DNASE1L1: variants seen among roughly 807,000 people sequenced by gnomAD.
DNASE1L1 encodes the protein deoxyribonuclease-1-like 1.
In DNASE1L1, 8 loss-of-function variants were observed where a neutral mutation model predicts 18.6. That is an observed-to-expected ratio of 0.43 (90% CI 0.25 to 0.78). The LOEUF is 0.78. Among genes scored for constraint, DNASE1L1 ranks in the 30% least tolerant of loss-of-function variants. The probability of loss-of-function intolerance (pLI) is 0.23; values close to 1 mark genes in which losing one functional copy is unlikely to be tolerated. For synonymous variants in DNASE1L1, 114 were observed against 114.2 expected, an observed-to-expected ratio of 1.00 and a Z score of 0.01; for missense variants, 214 against 258.2, an observed-to-expected ratio of 0.83 and a Z score of 1.17.
At chrX:154,405,330 T>C (rs1051843552) in intron 2 of DNASE1L1, 104 bp downstream of exon 2, 251 of 1,107,223 alleles carry the variant, frequency 2.3e-4, no homozygotes, top group South Asian at 3.2e-4. Context: ...GTGCCACACC[T>C]CTTCTTCTCC....
intron 4 of DNASE1L1, 59 bp from the exon 5 acceptor site, chrX:154,403,681 T>C: frequency 9.7e-7 from 1 of 1,033,399 alleles, no homozygotes; most frequent in African/African-American, 1.8e-5. Context: ...GGCTTGCAAG[T>C]GCCAAACGGC....
At chrX:154,411,173 G>A (rs1413021841), upstream of DNASE1L1, among the ~76,000 whole-genome samples, 1 of 111,599 alleles carries the variant, frequency 9.0e-6, no homozygotes, top group Non-Finnish European at 1.9e-5. Flanking sequence ...GCTGGGCGGG[G>A]TGGCTCACGG....
chrX:154,403,373 T>C lies in DNASE1L1; in HGVS notation c.421A>G (p.Ser141Gly). The C allele has an allele frequency of 1.7e-6, 2 of 1,210,673 alleles. No homozygotes were observed. Among genetic ancestry groups the C allele is most frequent in the Non-Finnish European group, 2.2e-6 (2 of 894,863 alleles). Residue 141 changes from serine (S) to glycine (G), a missense_variant, in exon 6 of 8, where the codon AGC becomes GGC. Ser to Gly is a moderately conservative substitution (Grantham distance 56). Coordinates refer to ENST00000369807, the MANE Select transcript of DNASE1L1 (RefSeq NM_001303620.2). ...QFSLPSNVLP[S>G]LVLVPLHTTP... ...GTGTGCAGCGGGACCAACACCAGGC[T>C]GGGAAGGACTGCAAGGCCCAGGGAC...
chrX:154,407,521 G>C (rs2068180437), intron 1 of DNASE1L1, among the ~76,000 whole-genome samples: 1 of 105,937 alleles, frequency 9.4e-6, no homozygotes, highest in Admixed American at 1.0e-4. Context: ...TTACAGGTGT[G>C]AGCCACTGCG....
At chrX:154,409,438 G>C (rs371743633), upstream of DNASE1L1, 15 of 132,277 alleles carry the variant, frequency 1.1e-4, no homozygotes, top group East Asian at 3.1e-3. Context: ...CTCAAGCCTG[G>C]GGCAAGGAGG....
Position 154,401,739 on chromosome X carries a change from C to T in DNASE1L1, c.*968G>A, listed in dbSNP as rs2068041474. On this transcript the variant is annotated 3_prime_UTR_variant, in exon 8 of 8. Coordinates refer to ENST00000369807, the MANE Select transcript of DNASE1L1 (RefSeq NM_001303620.2). ...CAAAAGGCCTCTGGTTTTTTGTAAT[C>T]TCAGTTTACAGCCATTTCTTAGGTT... is the stretch of plus-strand genomic sequence containing the variant. The T allele has an allele frequency of 1.8e-5, 2 of 112,374 alleles. No individual in the cohort carries two copies. Among genetic ancestry groups the T allele is most frequent in the South Asian group, 3.6e-4 (1 of 2,758 alleles). 9.3% of individuals were successfully genotyped at this position (112,374 alleles called of 1,213,427 possible).
upstream of DNASE1L1, chrX:154,409,462 G>C (rs897208288): frequency 7.8e-6 from 1 of 127,779 alleles, no homozygotes; most frequent in African/African-American, 3.2e-5. Context: ...TGGTGCCTGA[G>C]TGAGACCCCG....
intron 7 of DNASE1L1, 40 bp from the exon 8 acceptor site, chrX:154,402,881 G>A (rs1557187189): frequency 1.0e-5 from 12 of 1,204,716 alleles, no homozygotes; most frequent in African/African-American, 1.7e-5. Flanking sequence ...GCCCGGGGCC[G>A]AGGGGCTTCC....
rs1197929465 is a variant in DNASE1L1 at position 154,405,070 on chromosome X, C to T, written c.149G>A (p.Cys50Tyr). 1 of 1,210,410 alleles carries T rather than the reference C, an allele frequency of 8.3e-7. No homozygotes were observed. The highest frequency in any genetic ancestry group is 1.1e-6 in the Non-Finnish European group (1 of 894,841). The change falls in exon 3 of 8, where the codon TGT (cysteine) becomes TAT (tyrosine). Residue 50 changes from cysteine (C) to tyrosine (Y), a missense_variant. By Grantham distance (194) the Cys-to-Tyr change is radical. Coordinates refer to ENST00000369807, the MANE Select transcript of DNASE1L1 (RefSeq NM_001303620.2). The part of the protein sequence containing the change: ...MDTLVRILAR[C>Y]DIMVLQEVVD... Reference sequence around the variant, plus strand: ...CACCTCCTGCAGCACCATGATGTCACAGCGAGCCAGTATCTGTGGGACATC... The same window carrying T: ...CACCTCCTGCAGCACCATGATGTCATAGCGAGCCAGTATCTGTGGGACATC...
In DNASE1L1 at chrX:154,402,621, G is replaced by GC. The variant is rs1557186993; in HGVS notation, c.*85dup. ...CAGTCACAGGGCAACTATAGTTGAAGCCCCCCAGCCCCAGGGCTGGATGGA... is the reference window on the plus strand; with the variant it reads ...CAGTCACAGGGCAACTATAGTTGAAGCCCCCCCAGCCCCAGGGCTGGATGGA... On this transcript the variant is annotated 3_prime_UTR_variant, in exon 8 of 8. Transcript: ENST00000369807. The GC allele has an allele frequency of 8.7e-5, 84 of 962,397 alleles. 1 individual carries two copies. The highest frequency in any genetic ancestry group is 7.0e-5 in the Admixed American group (2 of 28,663). The allele number at this position is 962,397 out of a possible 1,213,427, so 79.3% of individuals were successfully genotyped here.
At chrX:154,406,183 A>G (rs782808415) in intron 1 of DNASE1L1, among the ~76,000 whole-genome samples, 7 of 108,588 alleles carry the variant, frequency 6.4e-5, no homozygotes, top group South Asian at 4.0e-4. Context: ...TGTTAGCCAG[A>G]ATGGTCTTGA....
upstream of DNASE1L1, among the ~76,000 whole-genome samples, chrX:154,411,361 T>C (rs1424945625): frequency 8.9e-6 from 1 of 112,311 alleles, no homozygotes; most frequent in African/African-American, 3.2e-5. Context: ...CTGGACCCTG[T>C]GTCAAACAAA....
At chrX:154,411,132 AG>A (rs1352337198), upstream of DNASE1L1, among the ~76,000 whole-genome samples, 1 of 112,150 alleles carries the variant, frequency 8.9e-6, no homozygotes, top group Non-Finnish European at 1.9e-5. Context: ...AGTATCATGT[AG>A]TACTGTAACT....
In DNASE1L1 at chrX:154,404,977, C is replaced by G. The variant is rs201205508; in HGVS notation, c.224+18G>C. ...CCTCTGGGTGTGCCCCTGATTAGAC[C>G]CACAGAATCTTCCTCACCGATTGAG... On this transcript the variant is annotated intron_variant, in intron 3 of 7. Coordinates refer to ENST00000369807, the MANE Select transcript of DNASE1L1 (RefSeq NM_001303620.2). 891 of 1,206,249 alleles carry G rather than the reference C, an allele frequency of 7.4e-4. 1 individual carries two copies. The highest frequency in any genetic ancestry group is 1.3e-3 in the Admixed American group (60 of 45,687).
rs782375305 is a variant in DNASE1L1 at position 154,403,400 on chromosome X, G to A, written c.413-19C>T. 20 of 1,204,600 alleles carry A rather than the reference G, an allele frequency of 1.7e-5. No individual in the cohort carries two copies. The Admixed American group carries it at 2.6e-4, about 16-fold the overall frequency. On this transcript the variant is annotated intron_variant, in intron 5 of 7. Coordinates refer to ENST00000369807, the MANE Select transcript of DNASE1L1 (RefSeq NM_001303620.2). ...GGAAGGACTGCAAGGCCCAGGGACCGAGGGCTGCCATCCACTCCTGGACCT... is the reference window on the plus strand; with the variant it reads ...GGAAGGACTGCAAGGCCCAGGGACCAAGGGCTGCCATCCACTCCTGGACCT...
At position 154,402,050 on chromosome X, in the gene DNASE1L1, A is replaced by C. The variant is rs1557186728; in HGVS notation, c.*657T>G. 1 of 112,008 alleles carries C rather than the reference A, an allele frequency of 8.9e-6. No individual in the cohort carries two copies. The highest frequency in any genetic ancestry group is 3.3e-5 in the African/African-American group (1 of 30,693). 9.2% of individuals were successfully genotyped at this position (112,008 alleles called of 1,213,427 possible). A position where few individuals can be genotyped will look rare whatever the true frequency, so the allele number is the denominator to read the frequency against. On this transcript the variant is annotated 3_prime_UTR_variant, in exon 8 of 8. Transcript: ENST00000369807. ...TAACTGGTGCAGATTTTCTGTGTGG[A>C]GATGTTGCCTTGACCAGCCTTGGCT...
In DNASE1L1 at chrX:154,402,647, C is replaced by G; in HGVS notation, c.*60G>C. The G allele has an allele frequency of 9.0e-7, 1 of 1,115,389 alleles. No homozygotes were observed. Among genetic ancestry groups the G allele is most frequent in the Non-Finnish European group, 1.2e-6 (1 of 831,829 alleles). 91.9% of individuals were successfully genotyped at this position (1,115,389 alleles called of 1,213,427 possible). On this transcript the variant is annotated 3_prime_UTR_variant, in exon 8 of 8. Transcript: ENST00000369807. The stretch of plus-strand genomic sequence containing the variant: ...CCCCCCAGCCCCAGGGCTGGATGGA[C>G]GGGGGAGGCTGGGGTTTAAGTCCCA...
upstream of DNASE1L1, chrX:154,411,699 C>T: frequency 1.8e-6 from 1 of 559,980 alleles, no homozygotes; most frequent in African/African-American, 2.6e-5. Flanking sequence ...GGACCTCGGT[C>T]CAGTCCCCTG....
intron 7 of DNASE1L1, 39 bp from the exon 8 acceptor site, chrX:154,402,880 C>T (rs373987278): frequency 3.7e-5 from 45 of 1,202,699 alleles, no homozygotes; most frequent in Non-Finnish European, 4.3e-5. Context: ...TGCCCGGGGC[C>T]GAGGGGCTTC....
Sources: gnomAD v4.1 joint callset for allele counts (sites outside exome capture counted in the v4.1 genomes callset) on GRCh38, gnomAD v4.1.1 for gene constraint, MANE v1.5 for transcripts, NCBI Gene and HGNC (gene_info 2026-07-23, HGNC 2026-07-21) for gene names.